The following GABRB2 variants were observed in gnomAD, a reference collection of about 807,000 sequenced individuals.
GABRB2 encodes gamma-aminobutyric acid receptor subunit beta-2.
GABRB2 carries 16 observed loss-of-function variants against 54.7 expected under a neutral mutation model. The observed-to-expected ratio is 0.29, with a 90% CI of 0.20 to 0.44. The LOEUF (loss-of-function observed/expected upper bound fraction) is 0.44. Among genes scored for constraint, GABRB2 ranks in the 20% least tolerant of loss-of-function variants. The pLI is 1.00. For missense variants in GABRB2, 355 were observed against 644.0 expected, an observed-to-expected ratio of 0.55 and a Z score of 4.86; for synonymous variants, 244 against 233.8, an observed-to-expected ratio of 1.04 and a Z score of -0.40.
chr5:161,546,862 C>T, upstream of GABRB2: 5 of 956,052 alleles, frequency 5.2e-6, no homozygotes, highest in Non-Finnish European at 7.2e-6. Context: ...ATAATACATA[C>T]ATATTTGAAT....
In GABRB2 at chr5:161,545,186, C is replaced by A. The variant is rs761007212; in HGVS notation, c.237+41G>T. The A allele has an allele frequency of 5.3e-6, 8 of 1,523,376 alleles. No individual in the cohort carries two copies. The South Asian group carries it at 8.4e-5, about 16-fold the overall frequency. The allele number at this position is 1,523,376 out of a possible 1,614,324, so 94.4% of individuals were successfully genotyped here. Reference sequence around the variant, plus strand: ...CTCATTTCTCCTTCCTGTCCCCAAACGAAAGTTTGCAAAGAAGTAGTCATA... The same window carrying A: ...CTCATTTCTCCTTCCTGTCCCCAAAAGAAAGTTTGCAAAGAAGTAGTCATA... On this transcript the variant is annotated intron_variant, in intron 3 of 9. Transcript: ENST00000393959.
intron 5 of GABRB2, among the ~76,000 whole-genome samples, chr5:161,409,918 A>C (rs1756457640): frequency 5.3e-5 from 8 of 152,162 alleles, no homozygotes; most frequent in Admixed American, 5.2e-4. Context: ...CAAGTATGCA[A>C]TCAGTTTCTT....
At chr5:161,543,699 T>C (rs1047245256) in intron 3 of GABRB2, among the ~76,000 whole-genome samples, 6 of 152,344 alleles carry the variant, frequency 3.9e-5, no homozygotes, top group African/African-American at 1.4e-4. Context: ...AGACATCTTT[T>C]ATTTTTATGC....
intron 4 of GABRB2, among the ~76,000 whole-genome samples, chr5:161,430,433 G>A (rs1580979507): frequency 6.6e-6 from 1 of 152,272 alleles, no homozygotes; most frequent in East Asian, 1.9e-4. Flanking sequence ...TATCACTTCA[G>A]TAGAGAGGAA....
chr5:161,471,552 C>A (rs538923667), intron 3 of GABRB2, among the ~76,000 whole-genome samples: 4 of 152,104 alleles, frequency 2.6e-5, no homozygotes, highest in South Asian at 2.1e-4. Flanking sequence ...TAATTATTTT[C>A]TTGTATGTGA....
At chr5:161,509,778 T>C (rs1759710590) in intron 3 of GABRB2, among the ~76,000 whole-genome samples, 1 of 151,892 alleles carries the variant, frequency 6.6e-6, no homozygotes, top group African/African-American at 2.4e-5. Context: ...GGAATCCTTC[T>C]TCCACACTCT....
At chr5:161,406,012 TAAG>T (rs1378814951) in intron 5 of GABRB2, among the ~76,000 whole-genome samples, 1 of 152,086 alleles carries the variant, frequency 6.6e-6, no homozygotes, top group Non-Finnish European at 1.5e-5. Flanking sequence ...GTGCATACGC[TAAG>T]AAGAAGAGAT....
intron 3 of GABRB2, among the ~76,000 whole-genome samples, chr5:161,541,605 G>C (rs1322506325): frequency 2.0e-5 from 3 of 152,176 alleles, no homozygotes; most frequent in Non-Finnish European, 4.4e-5. Context: ...AAGACAGCTT[G>C]TTTCCATAAA....
chr5:161,346,894 T>G (rs998643822), intron 5 of GABRB2, among the ~76,000 whole-genome samples: 5 of 152,130 alleles, frequency 3.3e-5, no homozygotes, highest in Middle Eastern at 3.4e-3. Flanking sequence ...TAACCATGGC[T>G]TGGAGCAGAA....
intron 5 of GABRB2, among the ~76,000 whole-genome samples, chr5:161,400,754 G>A (rs866301461): frequency 1.3e-5 from 2 of 152,072 alleles, no homozygotes; most frequent in African/African-American, 4.8e-5. Context: ...TGAAAGCTGA[G>A]CCTTGTGCCA....
At chr5:161,454,289 A>G (rs887388591) in intron 4 of GABRB2, among the ~76,000 whole-genome samples, 6 of 152,282 alleles carry the variant, frequency 3.9e-5, no homozygotes, top group Middle Eastern at 3.4e-3. Context: ...CAGGCATCTA[A>G]TTTCCTCACT....
chr5:161,460,277 T>C (rs945766542), intron 3 of GABRB2, among the ~76,000 whole-genome samples: 26 of 151,540 alleles, frequency 1.7e-4, no homozygotes, highest in African/African-American at 5.6e-4. Context: ...TATGTGTGTG[T>C]GTGTGTGTGT....
At chr5:161,351,221 A>G (rs1754461787) in intron 5 of GABRB2, among the ~76,000 whole-genome samples, 1 of 152,168 alleles carries the variant, frequency 6.6e-6, no homozygotes, top group South Asian at 2.1e-4. Context: ...GGAAATTACA[A>G]AAGACTTTGA....
chr5:161,505,284 C>A (rs1759572977), intron 3 of GABRB2, among the ~76,000 whole-genome samples: 1 of 151,918 alleles, frequency 6.6e-6, no homozygotes, highest in African/African-American at 2.4e-5. Flanking sequence ...GCAGGTGCCA[C>A]CACGCCCGAC....
At chr5:161,494,132 C>G (rs1424995614) in intron 3 of GABRB2, among the ~76,000 whole-genome samples, 3 of 151,734 alleles carry the variant, frequency 2.0e-5, no homozygotes, top group Admixed American at 6.6e-5. Context: ...AAAACATAAT[C>G]TCTAAAAATA....
chr5:161,459,670 G>A lies in GABRB2; in HGVS notation c.412C>T (p.Arg138Cys), dbSNP rs766605015. 7 of 1,614,132 alleles carry A rather than the reference G, an allele frequency of 4.3e-6. No homozygotes were observed. Among genetic ancestry groups the A allele is most frequent in the Non-Finnish European group, 5.1e-6 (6 of 1,180,006 alleles). ...SFVHGVTVKNRMIRLHPDGTV... is the reference protein window; with the variant it reads ...SFVHGVTVKNCMIRLHPDGTV... ...CCATCAGGATGCAGGCGAATCATGC[G>A]GTTCTTAACAGTCACTCCGTGCACA... Residue 138 changes from arginine (R) to cysteine (C), a missense_variant, in exon 4 of 10, where the codon CGC (arginine) becomes TGC (cysteine). Physicochemically the swap from Arg to Cys is radical, Grantham distance 180 (BLOSUM62 -3). Coordinates refer to ENST00000393959, the MANE Select transcript of GABRB2 (RefSeq NM_001371727.1).
intron 3 of GABRB2, among the ~76,000 whole-genome samples, chr5:161,536,656 G>A (rs540404923): frequency 4.6e-5 from 7 of 152,102 alleles, no homozygotes; most frequent in African/African-American, 1.7e-4. Context: ...GAGTGCAGTG[G>A]CACGATCTCG....
At chr5:161,435,988 A>G (rs1389451036) in intron 4 of GABRB2, among the ~76,000 whole-genome samples, 1 of 152,196 alleles carries the variant, frequency 6.6e-6, no homozygotes, top group African/African-American at 2.4e-5. Flanking sequence ...TTATAATATT[A>G]TGATTTCATA....
intron 5 of GABRB2, among the ~76,000 whole-genome samples, chr5:161,407,488 T>G (rs1756379782): frequency 6.6e-6 from 1 of 152,094 alleles, no homozygotes; most frequent in Admixed American, 6.6e-5. Flanking sequence ...ATCAGATTCC[T>G]AAAGCATCGG....
Sources: gnomAD v4.1 joint callset for allele counts (sites outside exome capture counted in the v4.1 genomes callset) on GRCh38, gnomAD v4.1.1 for gene constraint, MANE v1.5 for transcripts, NCBI Gene and HGNC (gene_info 2026-07-23, HGNC 2026-07-21) for gene names.